Variants in CLIP2 observed in about 807,000 individuals in gnomAD.
CLIP2 encodes the protein CAP-Gly domain-containing linker protein 2.
CLIP2 carries 41 observed loss-of-function variants against 111.7 expected under a neutral mutation model. The observed-to-expected ratio is 0.37, with a 90% CI of 0.29 to 0.48. CLIP2 has a LOEUF of 0.48. Ranked by LOEUF, CLIP2 falls within the 20% of genes least tolerant of loss-of-function variation. The probability of loss-of-function intolerance (pLI) is 0.99; values close to 1 mark genes in which losing one functional copy is unlikely to be tolerated. For missense variants in CLIP2, 1,160 were observed against 1,422.1 expected (o/e 0.82, Z 2.96); for synonymous variants, 660 against 644.2 (o/e 1.02, Z -0.37).
chr7:74,297,895 C>T (rs1269811709), intron 1 of CLIP2, among the ~76,000 whole-genome samples: 2 of 151,802 alleles, frequency 1.3e-5, no homozygotes, highest in African/African-American at 4.8e-5. Flanking sequence ...TCACTGCAAC[C>T]TCCACCTCCA....
intron 2 of CLIP2, among the ~76,000 whole-genome samples, chr7:74,327,147 G>C (rs1464987107): frequency 2.6e-5 from 4 of 152,100 alleles, no homozygotes; most frequent in African/African-American, 9.7e-5. Flanking sequence ...CTGTTGCTCA[G>C]GCTGGAGTGC....
chr7:74,376,132 G>A lies in CLIP2; in HGVS notation c.1731G>A (p.Glu577=). 1 of 1,609,990 alleles carries A rather than the reference G, an allele frequency of 6.2e-7. No individual in the cohort carries two copies. Among genetic ancestry groups the A allele is most frequent in the Admixed American group, 1.7e-5 (1 of 59,360 alleles). ...YEKALKAYQA[E]VDKLRAANEK... ...AGGCCCTGAAGGCCTACCAGGCGGA[G>A]GTGGACAAGCTCCGCGCGGCCAACG... Residue 577 remains glutamate, a synonymous_variant, in exon 10 of 17, where the codon GAG becomes GAA. Transcript: ENST00000223398. The surrounding 1 kb of genome is among the most constrained non-coding windows in gnomAD (Gnocchi z 7.1).
At chr7:74,326,878 C>T (rs1470179042) in intron 2 of CLIP2, among the ~76,000 whole-genome samples, 6 of 151,650 alleles carry the variant, frequency 4.0e-5, no homozygotes, top group Admixed American at 6.6e-5. Flanking sequence ...CCTCGTGATC[C>T]GCCTGCCTCG....
chr7:74,360,616 TCA>T (rs1790300926), intron 7 of CLIP2, among the ~76,000 whole-genome samples: 1 of 152,080 alleles, frequency 6.6e-6, no homozygotes, highest in African/African-American at 2.4e-5. Context: ...AGAGCCACAA[TCA>T]CAGCTCACTG....
chr7:74,351,002 GAGAA>G (rs200650133), intron 3 of CLIP2, among the ~76,000 whole-genome samples: 6,944 of 79,894 alleles, frequency 0.087, 494 homozygotes, highest in East Asian at 0.47. Flanking sequence ...AGAAGAAGGA[GAGAA>G]AGAAAGAAGG....
At chr7:74,375,102 G>C (rs1426498182) in intron 9 of CLIP2, among the ~76,000 whole-genome samples, 1 of 152,138 alleles carries the variant, frequency 6.6e-6, no homozygotes, top group Non-Finnish European at 1.5e-5. Context: ...CTTTAACTCA[G>C]TTGGGCATGG....
chr7:74,298,273 C>T (rs1454575290), intron 1 of CLIP2, among the ~76,000 whole-genome samples: 1 of 151,926 alleles, frequency 6.6e-6, no homozygotes, highest in African/African-American at 2.4e-5. Flanking sequence ...GTGATCTCCA[C>T]CTTCTGGGTT....
chr7:74,296,277 G>A (rs923924496), intron 1 of CLIP2, among the ~76,000 whole-genome samples: 3 of 152,148 alleles, frequency 2.0e-5, no homozygotes, highest in African/African-American at 7.2e-5. Context: ...GGGAGGCTGA[G>A]GCAGGCAGAT....
rs572138922 is a variant in CLIP2, at chr7:74,311,080, C to T, written c.-67-6400C>T. ...TTGCAAGCTCTGCCCCCTGGGTTCACGCCATTCTCCTGCCTCAGCCTCCCG... is the reference window on the plus strand; with the variant it reads ...TTGCAAGCTCTGCCCCCTGGGTTCATGCCATTCTCCTGCCTCAGCCTCCCG... On this transcript the variant is annotated intron_variant, in intron 1 of 16. Transcript: ENST00000223398. Among the ~76,000 whole-genome samples the T allele has an allele frequency of 1.8e-3, 267 of 151,550 alleles. 1 individual carries two copies. The highest frequency in any genetic ancestry group is 6.2e-3 in the African/African-American group (255 of 41,374).
chr7:74,330,596 C>A (rs979180404), intron 2 of CLIP2, among the ~76,000 whole-genome samples: 8 of 151,924 alleles, frequency 5.3e-5, no homozygotes, highest in African/African-American at 1.9e-4. Flanking sequence ...GTTCCCTATT[C>A]CTCTTCCCCT....
chr7:74,371,371 A>G (rs1790614868), intron 8 of CLIP2, among the ~76,000 whole-genome samples: 1 of 151,400 alleles, frequency 6.6e-6, no homozygotes, highest in African/African-American at 2.4e-5. Context: ...TTCAGTGTGT[A>G]GGATCATGCA....
chr7:74,383,737 G>T (rs782144213), intron 11 of CLIP2, among the ~76,000 whole-genome samples: 3 of 152,140 alleles, frequency 2.0e-5, no homozygotes, highest in Admixed American at 6.6e-5. Flanking sequence ...CACTTTGGGA[G>T]GCCCGGGCAG....
intron 2 of CLIP2, among the ~76,000 whole-genome samples, chr7:74,330,373 C>T (rs1789246321): frequency 6.6e-6 from 1 of 151,734 alleles, no homozygotes; most frequent in Non-Finnish European, 1.5e-5. Context: ...TCTCCTTCCT[C>T]AGCCTTCCGA....
chr7:74,397,822 A>G (rs1362203069), intron 14 of CLIP2, among the ~76,000 whole-genome samples: 2 of 150,540 alleles, frequency 1.3e-5, no homozygotes, highest in African/African-American at 4.9e-5. Context: ...ACCCGCCACC[A>G]CGCCTGGCTA....
At chr7:74,349,459 TG>T in intron 3 of CLIP2, among the ~76,000 whole-genome samples, 1 of 74,750 alleles carries the variant, frequency 1.3e-5, no homozygotes, top group Non-Finnish European at 2.7e-5. Context: ...TATGTATGTG[TG>T]TGTGTGTGTG....
chr7:74,309,330 G>A (rs2116481813), intron 1 of CLIP2, among the ~76,000 whole-genome samples: 1 of 152,014 alleles, frequency 6.6e-6, no homozygotes, highest in Admixed American at 6.5e-5. Context: ...TAATTGTATG[G>A]TTTGATGACT....
At chr7:74,378,577 A>G (rs1790861220) in intron 10 of CLIP2, among the ~76,000 whole-genome samples, 1 of 152,166 alleles carries the variant, frequency 6.6e-6, no homozygotes, top group African/African-American at 2.4e-5. Context: ...CCATCTCTAC[A>G]AAAATAAAAA....
chr7:74,370,897 A>G (rs148923811), intron 8 of CLIP2, among the ~76,000 whole-genome samples: 2 of 152,094 alleles, frequency 1.3e-5, no homozygotes, highest in African/African-American at 4.8e-5. Context: ...CACAGTCTGG[A>G]ATGATCTTCA....
intron 10 of CLIP2, among the ~76,000 whole-genome samples, 195 bp downstream of exon 10, chr7:74,377,017 G>A (rs1584375932): frequency 6.6e-6 from 1 of 152,112 alleles, no homozygotes; most frequent in Non-Finnish European, 1.5e-5. Context: ...AGTGCGCCCT[G>A]GTGACCAGGG....
Sources: allele counts gnomAD v4.1 joint callset (sites outside exome capture counted in the v4.1 genomes callset), GRCh38; gene constraint gnomAD v4.1.1; non-coding constraint Gnocchi (gnomAD v3.1); transcripts MANE v1.5; gene names NCBI Gene and HGNC (gene_info 2026-07-23, HGNC 2026-07-21).